ZNF804B: variants seen among roughly 807,000 people sequenced by gnomAD.
The protein encoded by ZNF804B is zinc finger protein 804B.
A neutral mutation model predicts 101.4 loss-of-function variants in ZNF804B; 80 were observed. The ratio of observed to expected loss-of-function variants is 0.79; its 90% CI spans 0.66 to 0.95. ZNF804B has a LOEUF of 0.95. Among genes scored for constraint, ZNF804B ranks in the 40% least tolerant of loss-of-function variants. The pLI, the probability that ZNF804B is intolerant of heterozygous loss-of-function variation, is 0.00. For synonymous variants in ZNF804B, 622 were observed against 558.8 expected, an observed-to-expected ratio of 1.11 and a Z score of -1.59; for missense variants, 1,673 against 1,561.9, an observed-to-expected ratio of 1.07 and a Z score of -1.20.
chr7:88,926,947 G>GGGA (rs754884897), intron 1 of ZNF804B, among the ~76,000 whole-genome samples: 3,633 of 150,162 alleles, frequency 0.024, 76 homozygotes, highest in Non-Finnish European at 0.035. Flanking sequence ...GGGGAGCGGG[G>GGGA]GGAAAGCTGT....
intron 1 of ZNF804B, among the ~76,000 whole-genome samples, chr7:88,824,548 G>A (rs207468214): frequency 6.6e-6 from 1 of 152,226 alleles, no homozygotes. Context: ...GATACGTGGG[G>A]CTACTAAATC....
At chr7:89,130,329 G>A (rs1024231401) in intron 1 of ZNF804B, among the ~76,000 whole-genome samples, 1 of 151,906 alleles carries the variant, frequency 6.6e-6, no homozygotes, top group Non-Finnish European at 1.5e-5. Context: ...AAAGGAGTAG[G>A]AAGCCAGCTT....
chr7:88,974,892 T>G (rs1373831935), intron 1 of ZNF804B, among the ~76,000 whole-genome samples: 1 of 151,318 alleles, frequency 6.6e-6, no homozygotes, highest in East Asian at 1.9e-4. Context: ...TCTTTCTTTC[T>G]AACAATATTT....
At chr7:88,981,336 A>T (rs959842009) in intron 1 of ZNF804B, among the ~76,000 whole-genome samples, 2 of 152,048 alleles carry the variant, frequency 1.3e-5, no homozygotes, top group African/African-American at 2.4e-5. Flanking sequence ...ACTCTACCTG[A>T]TGCTCTATTC....
intron 1 of ZNF804B, among the ~76,000 whole-genome samples, chr7:89,203,647 G>T (rs1788677428): frequency 6.6e-6 from 1 of 152,058 alleles, no homozygotes; most frequent in Non-Finnish European, 1.5e-5. Flanking sequence ...GGAGCCGCCA[G>T]TTTGAAATAA....
chr7:88,806,643 G>GTGTA (rs999847993), intron 1 of ZNF804B, among the ~76,000 whole-genome samples: 2 of 152,032 alleles, frequency 1.3e-5, no homozygotes, highest in African/African-American at 4.8e-5. Flanking sequence ...GTGTATGTGT[G>GTGTA]TGTATGTGTG....
chr7:89,234,398 T>A (rs1789246424), intron 2 of ZNF804B, among the ~76,000 whole-genome samples: 1 of 152,154 alleles, frequency 6.6e-6, no homozygotes, highest in African/African-American at 2.4e-5. Context: ...AGATTCTAAC[T>A]TTAGGTATAA....
chr7:89,171,398 T>TTCTTCC (rs760881278), intron 1 of ZNF804B, among the ~76,000 whole-genome samples: 3,148 of 126,992 alleles, frequency 0.025, 108 homozygotes, highest in Middle Eastern at 0.049. Context: ...CTTCTTCCTC[T>TTCTTCC]TCTTCTTCTT....
At chr7:89,255,634 T>C (rs1275974170) in intron 2 of ZNF804B, among the ~76,000 whole-genome samples, 1 of 152,168 alleles carries the variant, frequency 6.6e-6, no homozygotes, top group African/African-American at 2.4e-5. Context: ...TAAAGACTTA[T>C]CTGCAAGAGT....
intron 1 of ZNF804B, among the ~76,000 whole-genome samples, chr7:88,994,825 A>G (rs1793897532): frequency 6.6e-6 from 1 of 152,042 alleles, no homozygotes; most frequent in Non-Finnish European, 1.5e-5. Flanking sequence ...GTCATGTATG[A>G]GAAGTTTATA....
chr7:89,132,445 T>G (rs557617194), intron 1 of ZNF804B, among the ~76,000 whole-genome samples: 1 of 151,792 alleles, frequency 6.6e-6, no homozygotes, highest in South Asian at 2.1e-4. Flanking sequence ...ATGGAGGAAA[T>G]GACAAGGAAA....
intron 1 of ZNF804B, among the ~76,000 whole-genome samples, chr7:88,886,405 A>G (rs889678619): frequency 1.3e-5 from 2 of 152,134 alleles, no homozygotes; most frequent in African/African-American, 2.4e-5. Context: ...CCCCTGTGAC[A>G]TGAGTTTACC....
At chr7:89,206,126 C>G (rs544078831) in intron 1 of ZNF804B, among the ~76,000 whole-genome samples, 138 of 152,304 alleles carry the variant, frequency 9.1e-4, no homozygotes, top group South Asian at 1.4e-3. Context: ...AGCTGGGACA[C>G]AAGACACCAA....
rs140619092 is a variant in ZNF804B at position 88,964,174 on chromosome 7, C to T, written c.108+204090C>T. 5.6e-3 allele frequency among the ~76,000 whole-genome samples: 842 copies of T among 151,400 alleles called. 6 individuals carry two copies. Among genetic ancestry groups the T allele is most frequent in the African/African-American group, 0.019 (797 of 41,414 alleles). On this transcript the variant is annotated intron_variant, in intron 1 of 3. Coordinates refer to ENST00000333190, the MANE Select transcript of ZNF804B (RefSeq NM_181646.5). ...CATATGATCCAACAATTCCATTTTA[C>T]TAGATATACACCCAAAATAACTGAA...
rs545294426 is a variant in ZNF804B at position 89,017,184 on chromosome 7, A to T, written c.109-200971A>T. On this transcript the variant is annotated intron_variant, in intron 1 of 3. Coordinates refer to ENST00000333190, the MANE Select transcript of ZNF804B (RefSeq NM_181646.5). Reference sequence around the variant, plus strand: ...ATGCTTGTGATTTTTGTACATTGATATTGTATCGTGAGACTTTGCTGAAGT... The same window carrying T: ...ATGCTTGTGATTTTTGTACATTGATTTTGTATCGTGAGACTTTGCTGAAGT... Among the ~76,000 whole-genome samples, 543 of 152,248 alleles carry T rather than the reference A, an allele frequency of 3.6e-3. 9 individuals carry two copies. The highest frequency in any genetic ancestry group is 0.011 in the African/African-American group (460 of 41,538).
At chr7:88,845,291 G>GCGCACACACACA (rs1261617236) in intron 1 of ZNF804B, among the ~76,000 whole-genome samples, 2 of 106,542 alleles carry the variant, frequency 1.9e-5, no homozygotes, top group African/African-American at 7.8e-5. Flanking sequence ...ACGCGCGCGC[G>GCGCACACACACA]CACGCGCGCG....
intron 1 of ZNF804B, among the ~76,000 whole-genome samples, chr7:88,778,689 T>G (rs1441901991): frequency 6.6e-6 from 1 of 152,226 alleles, no homozygotes; most frequent in Non-Finnish European, 1.5e-5. Flanking sequence ...TTTTCATTCC[T>G]AAATATATCT....
At chr7:88,960,551 C>T (rs935912474) in intron 1 of ZNF804B, among the ~76,000 whole-genome samples, 38 of 151,430 alleles carry the variant, frequency 2.5e-4, no homozygotes, top group African/African-American at 8.0e-4. Context: ...GGGCAAAGTA[C>T]TCTCTTAGGT....
intron 1 of ZNF804B, among the ~76,000 whole-genome samples, chr7:88,945,453 C>T (rs1460505810): frequency 6.6e-6 from 1 of 152,036 alleles, no homozygotes; most frequent in Admixed American, 6.6e-5. Context: ...GTCTATATAT[C>T]TGTTTTGGTA....
Sources: gnomAD v4.1 joint callset for allele counts (sites outside exome capture counted in the v4.1 genomes callset) on GRCh38, gnomAD v4.1.1 for gene constraint, MANE v1.5 for transcripts, NCBI Gene and HGNC (gene_info 2026-07-23, HGNC 2026-07-21) for gene names.